Variants in WDR70 observed in about 807,000 individuals in gnomAD.
WDR70 encodes WD repeat domain 70.
In WDR70, 53 loss-of-function variants were observed where a neutral mutation model predicts 88.6. The ratio of observed to expected loss-of-function variants is 0.60; its 90% CI spans 0.48 to 0.75. WDR70 has a LOEUF of 0.75. Ranked by LOEUF, WDR70 falls within the 30% of genes least tolerant of loss-of-function variation. WDR70 has a pLI of 0.00. For synonymous variants in WDR70, 280 were observed against 270.0 expected (o/e 1.04, Z -0.36); for missense variants, 610 against 823.2 (o/e 0.74, Z 3.17).
intron 8 of WDR70, among the ~76,000 whole-genome samples, chr5:37,490,160 T>C (rs577209331): frequency 9.2e-4 from 140 of 152,234 alleles, no homozygotes; most frequent in Admixed American, 2.3e-3. Context: ...GGCAGTGTGA[T>C]AGAGAGCACT....
intron 8 of WDR70, among the ~76,000 whole-genome samples, chr5:37,493,168 C>A (rs1345306044): frequency 6.6e-6 from 1 of 152,088 alleles, no homozygotes; most frequent in Non-Finnish European, 1.5e-5. Context: ...TAACAAATTA[C>A]CAAAAACCAG....
chr5:37,436,902 G>A (rs1164200993), intron 5 of WDR70, among the ~76,000 whole-genome samples: 1 of 152,104 alleles, frequency 6.6e-6, no homozygotes, highest in Non-Finnish European at 1.5e-5. Flanking sequence ...ATTGTGAGAT[G>A]ATTCTTGAAT....
At chr5:37,448,802 G>A (rs1318067528) in intron 7 of WDR70, among the ~76,000 whole-genome samples, 1 of 151,718 alleles carries the variant, frequency 6.6e-6, no homozygotes, top group African/African-American at 2.4e-5. Context: ...TATTTGTTTA[G>A]TCCCTGACTG....
At chr5:37,564,966 C>T (rs1008219143) in intron 9 of WDR70, among the ~76,000 whole-genome samples, 3 of 151,970 alleles carry the variant, frequency 2.0e-5, no homozygotes, top group African/African-American at 7.2e-5. Context: ...CATATTTTTA[C>T]GCATAAACAT....
intron 10 of WDR70, among the ~76,000 whole-genome samples, chr5:37,659,374 T>A (rs2112573659): frequency 6.6e-6 from 1 of 152,364 alleles, no homozygotes; most frequent in South Asian, 2.1e-4. Context: ...ATAGTATTTT[T>A]AATTTCAGTT....
chr5:37,469,677 C>T (rs1739265795), intron 7 of WDR70, among the ~76,000 whole-genome samples: 1 of 152,182 alleles, frequency 6.6e-6, no homozygotes, highest in African/African-American at 2.4e-5. Context: ...TGTAGTTACT[C>T]TTTGCGTTGT....
chr5:37,725,505 G>A (rs1747944372), intron 16 of WDR70, among the ~76,000 whole-genome samples: 1 of 152,026 alleles, frequency 6.6e-6, no homozygotes, highest in African/African-American at 2.4e-5. Flanking sequence ...ATGAATAAAA[G>A]TCTTTAGAGT....
chr5:37,619,407 A>T (rs769392969), intron 10 of WDR70, among the ~76,000 whole-genome samples: 3 of 152,196 alleles, frequency 2.0e-5, no homozygotes, highest in Non-Finnish European at 4.4e-5. Flanking sequence ...AGCCTATATA[A>T]GGGATGCCTC....
chr5:37,596,345 T>C (rs899524485), intron 9 of WDR70, among the ~76,000 whole-genome samples: 1 of 152,184 alleles, frequency 6.6e-6, no homozygotes, highest in African/African-American at 2.4e-5. Context: ...TAACAGATAT[T>C]ACTAGCTGCA....
At chr5:37,539,754 G>A (rs1741761693) in intron 9 of WDR70, among the ~76,000 whole-genome samples, 1 of 152,216 alleles carries the variant, frequency 6.6e-6, no homozygotes, top group Admixed American at 6.5e-5. Flanking sequence ...TGGCGAGTCT[G>A]CCTACTGCTG....
intron 9 of WDR70, among the ~76,000 whole-genome samples, chr5:37,543,159 C>A (rs1011891669): frequency 6.6e-6 from 1 of 152,142 alleles, no homozygotes; most frequent in African/African-American, 2.4e-5. Context: ...CCAAACTTGT[C>A]AGAGAGCTTA....
At chr5:37,489,849 G>T (rs1043495725) in intron 8 of WDR70, among the ~76,000 whole-genome samples, 1 of 151,896 alleles carries the variant, frequency 6.6e-6, no homozygotes, top group Non-Finnish European at 1.5e-5. Flanking sequence ...CAATGTGCAG[G>T]TTAGTTACAT....
chr5:37,442,782 C>T (rs1453350930), intron 6 of WDR70, among the ~76,000 whole-genome samples: 1 of 152,178 alleles, frequency 6.6e-6, no homozygotes, highest in Non-Finnish European at 1.5e-5. Context: ...AAATAGATTT[C>T]TTAAAGCTCC....
At chr5:37,385,518 CAAAAAAAA>C (rs1160087859) in intron 3 of WDR70, among the ~76,000 whole-genome samples, 161 of 67,872 alleles carry the variant, frequency 2.4e-3, no homozygotes, top group African/African-American at 9.2e-3. Flanking sequence ...GAGCCTGTCT[CAAAAAAAA>C]AAAAAAAAAA....
chr5:37,488,030 T>A (rs1178289797), intron 8 of WDR70, among the ~76,000 whole-genome samples: 2 of 152,068 alleles, frequency 1.3e-5, no homozygotes, highest in Admixed American at 1.3e-4. Flanking sequence ...TGAGAAAGAC[T>A]TTATTTCTCC....
At chr5:37,382,077 G>A (rs1748443412) in intron 3 of WDR70, among the ~76,000 whole-genome samples, 1 of 151,186 alleles carries the variant, frequency 6.6e-6, no homozygotes, top group African/African-American at 2.4e-5. Context: ...AGAAAAGAAT[G>A]TTGTTATGCT....
chr5:37,500,796 G>A (rs1740385957), intron 8 of WDR70, among the ~76,000 whole-genome samples: 1 of 132,290 alleles, frequency 7.6e-6, no homozygotes, highest in African/African-American at 2.8e-5. Flanking sequence ...CGCGATCTCA[G>A]CTCACCGCAG....
In WDR70 at chr5:37,388,352, G is replaced by A. The variant is rs553729585; in HGVS notation, c.176-3648G>A. Reference sequence around the variant, plus strand: ...AGGCCGGTCTCGAACTCCTGACCTCGTGATCTGCCTGCCGCAGCCTCCCAA... The same window carrying A: ...AGGCCGGTCTCGAACTCCTGACCTCATGATCTGCCTGCCGCAGCCTCCCAA... On this transcript the variant is annotated intron_variant, in intron 3 of 17. Transcript: ENST00000265107. Among the ~76,000 whole-genome samples the A allele has an allele frequency of 7.3e-5, 11 of 150,226 alleles. No homozygotes were observed. In the East Asian group the frequency reaches 8.0e-4, roughly 11 times the overall value.
At chr5:37,439,320 A>AT (rs201360061) in intron 6 of WDR70, among the ~76,000 whole-genome samples, 15,264 of 151,794 alleles carry the variant, frequency 0.1, 867 homozygotes, top group South Asian at 0.14. Context: ...TAATATATTT[A>AT]TTTTTTCTTA....
Sources: allele counts gnomAD v4.1 joint callset (sites outside exome capture counted in the v4.1 genomes callset), GRCh38; gene constraint gnomAD v4.1.1; transcripts MANE v1.5; gene names NCBI Gene and HGNC (gene_info 2026-07-23, HGNC 2026-07-21).